Variants in MTIF2 observed in about 807,000 individuals in gnomAD.
MTIF2 encodes the protein translation initiation factor IF-2, mitochondrial.
Under a neutral mutation model 83.5 loss-of-function variants are expected in MTIF2, and 71 were observed. The observed-to-expected ratio is 0.85, with a 90% CI of 0.70 to 1.04. The LOEUF is 1.04. Ranked by LOEUF, MTIF2 falls within the 50% of genes least tolerant of loss-of-function variation. MTIF2 has a pLI of 0.00. For synonymous variants in MTIF2, 319 were observed against 287.1 expected, an observed-to-expected ratio of 1.11 and a Z score of -1.12; for missense variants, 957 against 846.5, an observed-to-expected ratio of 1.13 and a Z score of -1.62.
intron 13 of MTIF2, among the ~76,000 whole-genome samples, chr2:55,240,440 CGTG>C (rs1184945635): frequency 2.1e-4 from 32 of 152,066 alleles, no homozygotes; most frequent in African/African-American, 7.5e-4. Flanking sequence ...ATTAGCCGGG[CGTG>C]GTGGTGGCAC....
intron 7 of MTIF2, among the ~76,000 whole-genome samples, chr2:55,253,512 C>CAAA (rs1677262959): frequency 6.6e-6 from 1 of 151,932 alleles, no homozygotes; most frequent in Non-Finnish European, 1.5e-5. Flanking sequence ...AACCCCGTCT[C>CAAA]TACTAAAAAT....
chr2:55,263,518 G>A (rs1678192513), intron 4 of MTIF2, 122 bp downstream of exon 4: 2 of 683,294 alleles, frequency 2.9e-6, no homozygotes, highest in Non-Finnish European at 4.8e-6. Context: ...GCTGAGGCAG[G>A]AGAATTGCTT....
intron 14 of MTIF2, among the ~76,000 whole-genome samples, chr2:55,237,998 T>C (rs542494388): frequency 6.6e-6 from 1 of 152,130 alleles, no homozygotes; most frequent in African/African-American, 2.4e-5. Context: ...TTTTAAGCTT[T>C]CCTTCAATAT....
At chr2:55,247,577 C>A (rs900556365) in intron 9 of MTIF2, among the ~76,000 whole-genome samples, 1 of 152,020 alleles carries the variant, frequency 6.6e-6, no homozygotes, top group African/African-American at 2.4e-5. Flanking sequence ...AAACAATAGA[C>A]AACTGTAAAA....
In MTIF2 at chr2:55,236,697, TAACA is replaced by T. The variant is rs765306120; in HGVS notation, c.2131_2134del (p.Cys711MetfsTer23). Reference sequence around the variant, plus strand: ...CTTGGCTTGAATTTGCTTTTCTTCATAACAAACAATTCTGTCTCCCACTTGAAAT... The same window carrying T: ...CTTGGCTTGAATTTGCTTTTCTTCATAACAATTCTGTCTCCCACTTGAAAT... On this transcript the variant is annotated frameshift_variant, in exon 16 of 16. Coordinates refer to ENST00000263629, the MANE Select transcript of MTIF2 (RefSeq NM_002453.3). LOFTEE classifies it high-confidence loss of function. 44 of 1,604,828 alleles carry T rather than the reference TAACA, an allele frequency of 2.7e-5. No homozygotes were observed. Among genetic ancestry groups the T allele is most frequent in the East Asian group, 1.1e-4 (5 of 44,562 alleles).
chr2:55,259,551 T>A (rs908630112), intron 5 of MTIF2, among the ~76,000 whole-genome samples: 6 of 152,006 alleles, frequency 3.9e-5, no homozygotes, highest in Admixed American at 2.6e-4. Context: ...CATACTGAAG[T>A]ATTTATGGAT....
chr2:55,244,078 C>CA lies in MTIF2; in HGVS notation c.1261dup (p.Trp421LeufsTer13). Reference sequence around the variant, plus strand: ...TTCTCCTGCAGAAGGAAGGTCTCTCCAGCCTGTAATTCCCACTGGCATGCT... The same window carrying CA: ...TTCTCCTGCAGAAGGAAGGTCTCTCCAAGCCTGTAATTCCCACTGGCATGCT... On this transcript the variant is annotated frameshift_variant, in exon 11 of 16. Transcript: ENST00000263629. LOFTEE classifies it high-confidence loss of function. The CA allele has an allele frequency of 6.2e-7, 1 of 1,614,120 alleles. No homozygotes were observed. Among genetic ancestry groups the CA allele is most frequent in the Non-Finnish European group, 8.5e-7 (1 of 1,180,016 alleles).
chr2:55,238,281 T>G (rs1229671000), intron 14 of MTIF2, among the ~76,000 whole-genome samples: 3 of 151,746 alleles, frequency 2.0e-5, no homozygotes, highest in Non-Finnish European at 4.4e-5. Context: ...CCTCCCAAAG[T>G]CCTCGGATGA....
At position 55,236,831 on chromosome 2, in the gene MTIF2, A is replaced by G; in HGVS notation, c.2012-11T>C. On this transcript the variant is annotated splice_polypyrimidine_tract_variant and intron_variant, in intron 15 of 15. Transcript: ENST00000263629. ...ATGAGGTTAATGAGCCTTAAAAAAG[A>G]TAATTTAAGGTTAGTATATTCAATA... is the stretch of plus-strand genomic sequence containing the variant. The G allele has an allele frequency of 1.3e-6, 2 of 1,563,280 alleles. No homozygotes were observed. The highest frequency in any genetic ancestry group is 1.7e-6 in the Non-Finnish European group (2 of 1,158,954).
intron 14 of MTIF2, 36 bp downstream of exon 14, chr2:55,239,975 A>G: frequency 6.4e-7 from 1 of 1,572,756 alleles, no homozygotes; most frequent in Non-Finnish European, 8.7e-7. Flanking sequence ...CACCTAATAT[A>G]CTAATTTTTA....
intron 1 of MTIF2, 72 bp from the exon 2 acceptor site, chr2:55,268,811 A>G (rs904256749): frequency 3.3e-5 from 5 of 152,204 alleles, no homozygotes; most frequent in African/African-American, 1.2e-4. Flanking sequence ...AAGCTTTGGA[A>G]CTTACCAGAA....
intron 14 of MTIF2, 101 bp downstream of exon 14, chr2:55,239,910 T>C: frequency 9.6e-7 from 1 of 1,045,448 alleles, no homozygotes; most frequent in Admixed American, 2.9e-5. Flanking sequence ...ACAGGATATA[T>C]CTTTCAACAT....
At chr2:55,261,654 T>C (rs1678004555) in intron 5 of MTIF2, among the ~76,000 whole-genome samples, 1 of 151,630 alleles carries the variant, frequency 6.6e-6, no homozygotes, top group African/African-American at 2.4e-5. Flanking sequence ...CAGAAAATTA[T>C]AGGGCCAGGC....
In MTIF2 at chr2:55,241,759, C is replaced by A. The variant is rs183253578; in HGVS notation, c.1705+1181G>T. Among the ~76,000 whole-genome samples, 3 of 152,270 alleles carry A rather than the reference C, an allele frequency of 2.0e-5. No individual in the cohort carries two copies. In the East Asian group the frequency reaches 5.8e-4, roughly 29 times the overall value. On this transcript the variant is annotated intron_variant, in intron 13 of 15. Coordinates refer to ENST00000263629, the MANE Select transcript of MTIF2 (RefSeq NM_002453.3). ...TCGGGAAGCTGGGGCAGGAGAATCGCTTGAACCCAGGAGGGAGAGGTGGCA... is the reference window on the plus strand; with the variant it reads ...TCGGGAAGCTGGGGCAGGAGAATCGATTGAACCCAGGAGGGAGAGGTGGCA...
chr2:55,259,718 C>T (rs373772324), intron 5 of MTIF2, among the ~76,000 whole-genome samples: 34 of 152,228 alleles, frequency 2.2e-4, no homozygotes, highest in African/African-American at 7.7e-4. Context: ...CTAAGATGTG[C>T]AGATCACTTG....
chr2:55,249,356 T>G (rs1385076251), intron 9 of MTIF2, 39 bp downstream of exon 9: 3 of 1,608,496 alleles, frequency 1.9e-6, no homozygotes, highest in Non-Finnish European at 2.5e-6. Context: ...TGTACAGCAT[T>G]CCCATCCAGG....
chr2:55,239,168 G>A (rs907253679), intron 14 of MTIF2, among the ~76,000 whole-genome samples: 3 of 152,160 alleles, frequency 2.0e-5, no homozygotes, highest in Non-Finnish European at 2.9e-5. Context: ...TTGGGACAAC[G>A]GACAAAATGT....
At chr2:55,254,628 T>A in intron 6 of MTIF2, 26 bp downstream of exon 6, 1 of 1,542,534 alleles carries the variant, frequency 6.5e-7, no homozygotes, top group Non-Finnish European at 8.7e-7. Context: ...CCCCAAACCC[T>A]GCCAGTATAT....
At chr2:55,266,026 G>A (rs1036584398) in intron 3 of MTIF2, among the ~76,000 whole-genome samples, 2 of 151,930 alleles carry the variant, frequency 1.3e-5, no homozygotes, top group Non-Finnish European at 2.9e-5. Context: ...GTAAATATAC[G>A]CCATTTTATA....
Sources: gnomAD v4.1 joint callset for allele counts (sites outside exome capture counted in the v4.1 genomes callset) on GRCh38, gnomAD v4.1.1 for gene constraint, MANE v1.5 for transcripts, NCBI Gene and HGNC (gene_info 2026-07-23, HGNC 2026-07-21) for gene names.